The following DMRT1 variants were observed in gnomAD, a reference collection of about 807,000 sequenced individuals.
DMRT1 encodes the protein doublesex- and mab-3-related transcription factor 1.
DMRT1 carries 7 observed loss-of-function variants against 32.3 expected under a neutral mutation model. The ratio of observed to expected loss-of-function variants is 0.22; its 90% CI spans 0.12 to 0.41. The LOEUF is 0.41. Ranked by LOEUF, DMRT1 falls within the 10% of genes least tolerant of loss-of-function variation. The pLI, the probability that DMRT1 is intolerant of heterozygous loss-of-function variation, is 1.00. For missense variants in DMRT1, 625 were observed against 500.5 expected (o/e 1.25, Z -2.37); for synonymous variants, 278 against 206.1 (o/e 1.35, Z -2.99).
rs576491724 is a variant in DMRT1 at position 852,426 on chromosome 9, C to A, written c.538+5283C>A. Among the ~76,000 whole-genome samples the A allele has an allele frequency of 1.7e-3, 251 of 145,492 alleles. 1 individual carries two copies. The highest frequency in any genetic ancestry group is 0.011 in the Middle Eastern group (3 of 264). ...TTTTTTTTTTTTCGAAAGTTATTAGCTGACTTAAATCTCAGGTCTTCTTCC... is the reference window on the plus strand; with the variant it reads ...TTTTTTTTTTTTCGAAAGTTATTAGATGACTTAAATCTCAGGTCTTCTTCC... On this transcript the variant is annotated intron_variant, in intron 2 of 4. Coordinates refer to ENST00000382276, the MANE Select transcript of DMRT1 (RefSeq NM_021951.3).
intron 2 of DMRT1, among the ~76,000 whole-genome samples, chr9:877,656 G>A (rs868538614): frequency 6.6e-6 from 1 of 152,134 alleles, no homozygotes; most frequent in African/African-American, 2.4e-5. Context: ...TTGAATTTAA[G>A]ATGTAAAGTT....
chr9:871,759 C>G (rs577652429), intron 2 of DMRT1, among the ~76,000 whole-genome samples: 2 of 151,352 alleles, frequency 1.3e-5, no homozygotes, highest in Non-Finnish European at 2.9e-5. Context: ...CAGGCGTGAG[C>G]AACCGTGCCT....
chr9:849,837 T>C (rs1226892825), intron 2 of DMRT1, among the ~76,000 whole-genome samples: 1 of 152,042 alleles, frequency 6.6e-6, no homozygotes, highest in Non-Finnish European at 1.5e-5. Flanking sequence ...CTCTTTTTTT[T>C]TTTGAGACAG....
chr9:861,180 T>A (rs575521442), intron 2 of DMRT1, among the ~76,000 whole-genome samples: 61 of 151,888 alleles, frequency 4.0e-4, no homozygotes, highest in Non-Finnish European at 6.6e-4. Context: ...CAAAGGTCTC[T>A]GGTTTTCCTA....
chr9:958,587 A>C (rs1819670561), intron 4 of DMRT1, among the ~76,000 whole-genome samples: 1 of 152,132 alleles, frequency 6.6e-6, no homozygotes, highest in African/African-American at 2.4e-5. Context: ...GGCTGGTCTC[A>C]AACTCCTGAC....
At chr9:942,386 G>A (rs1819105294) in intron 4 of DMRT1, among the ~76,000 whole-genome samples, 1 of 152,120 alleles carries the variant, frequency 6.6e-6, no homozygotes, top group African/African-American at 2.4e-5. Context: ...TCATCCTCCT[G>A]CCTCAGCCTC....
At chr9:955,434 GT>G (rs1391848926) in intron 4 of DMRT1, among the ~76,000 whole-genome samples, 5 of 152,232 alleles carry the variant, frequency 3.3e-5, no homozygotes, top group Non-Finnish European at 1.5e-5. Context: ...GGCTGGTGTG[GT>G]GGCTCACGCC....
At chr9:946,611 T>C (rs892886130) in intron 4 of DMRT1, among the ~76,000 whole-genome samples, 6 of 152,228 alleles carry the variant, frequency 3.9e-5, no homozygotes, top group African/African-American at 1.2e-4. Flanking sequence ...ACGCTGGCTT[T>C]TGTACAAACA....
At chr9:885,755 T>C (rs1360235135) in intron 2 of DMRT1, among the ~76,000 whole-genome samples, 1 of 152,148 alleles carries the variant, frequency 6.6e-6, no homozygotes, top group Non-Finnish European at 1.5e-5. Flanking sequence ...GGGCACAGGC[T>C]TCTGCAGTGG....
At chr9:967,778 T>G (rs1819977595) in intron 4 of DMRT1, among the ~76,000 whole-genome samples, 1 of 152,236 alleles carries the variant, frequency 6.6e-6, no homozygotes, top group East Asian at 1.9e-4. Flanking sequence ...TAAATAGGTA[T>G]ACTGTGTAGA....
chr9:877,551 C>T (rs1456850704), intron 2 of DMRT1, among the ~76,000 whole-genome samples: 1 of 152,192 alleles, frequency 6.6e-6, no homozygotes, highest in Non-Finnish European at 1.5e-5. Flanking sequence ...TATTTTGAAT[C>T]CATAGGGAAT....
intron 2 of DMRT1, among the ~76,000 whole-genome samples, chr9:857,471 G>A (rs960915060): frequency 7.9e-5 from 12 of 152,228 alleles, no homozygotes; most frequent in Admixed American, 7.2e-4. Flanking sequence ...TTTCTTTGCT[G>A]TAGCTGTATT....
At chr9:940,723 A>G (rs959949575) in intron 4 of DMRT1, among the ~76,000 whole-genome samples, 6 of 152,212 alleles carry the variant, frequency 3.9e-5, no homozygotes, top group Non-Finnish European at 8.8e-5. Context: ...CTGTACATCA[A>G]AAGACACTAT....
chr9:855,740 C>G (rs899964741), intron 2 of DMRT1, among the ~76,000 whole-genome samples: 1 of 152,182 alleles, frequency 6.6e-6, no homozygotes, highest in Non-Finnish European at 1.5e-5. Flanking sequence ...CACTTCAGTC[C>G]CCAAGTACCT....
intron 4 of DMRT1, among the ~76,000 whole-genome samples, chr9:943,619 G>T (rs950099190): frequency 1.3e-5 from 2 of 152,152 alleles, no homozygotes; most frequent in African/African-American, 2.4e-5. Flanking sequence ...AATTCTGAAG[G>T]TCATGGGGAT....
chr9:961,436 C>T (rs1362143559), intron 4 of DMRT1, among the ~76,000 whole-genome samples: 1 of 152,196 alleles, frequency 6.6e-6, no homozygotes, highest in Non-Finnish European at 1.5e-5. Context: ...CAGATTCTTC[C>T]TTCCTCCAAA....
At chr9:962,258 G>C (rs1819798014) in intron 4 of DMRT1, among the ~76,000 whole-genome samples, 1 of 152,142 alleles carries the variant, frequency 6.6e-6, no homozygotes, top group South Asian at 2.1e-4. Flanking sequence ...TTTAGGAAGA[G>C]ATGTCAGTGG....
At chr9:957,783 G>A (rs896467843) in intron 4 of DMRT1, among the ~76,000 whole-genome samples, 3 of 152,206 alleles carry the variant, frequency 2.0e-5, no homozygotes, top group African/African-American at 7.2e-5. Flanking sequence ...GCTGAGGCAG[G>A]TGGATCACCT....
chr9:875,225 C>G (rs1589485137), intron 2 of DMRT1, among the ~76,000 whole-genome samples: 1 of 152,124 alleles, frequency 6.6e-6, no homozygotes, highest in Non-Finnish European at 1.5e-5. Context: ...ACTCTTAAAA[C>G]CAGTATTGTT....
Sources: gnomAD v4.1 joint callset for allele counts (sites outside exome capture counted in the v4.1 genomes callset) on GRCh38, gnomAD v4.1.1 for gene constraint, MANE v1.5 for transcripts, NCBI Gene and HGNC (gene_info 2026-07-23, HGNC 2026-07-21) for gene names.